The following DGKB variants were observed in gnomAD, a reference collection of about 807,000 sequenced individuals.
The protein encoded by DGKB is 90 kDa diacylglycerol kinase.
A neutral mutation model predicts 114.3 loss-of-function variants in DGKB; 67 were observed. That is an observed-to-expected ratio of 0.59 (90% CI 0.48 to 0.72). The LOEUF (loss-of-function observed/expected upper bound fraction) is 0.72. DGKB is among the 30% of genes least tolerant of loss of function. The probability of loss-of-function intolerance (pLI) is 0.00; values close to 1 mark genes in which losing one functional copy is unlikely to be tolerated. For missense variants in DGKB, 907 were observed against 975.2 expected, an observed-to-expected ratio of 0.93 and a Z score of 0.93; for synonymous variants, 398 against 323.1, an observed-to-expected ratio of 1.23 and a Z score of -2.49.
intron 2 of DGKB, among the ~76,000 whole-genome samples, chr7:14,795,247 T>A (rs536073025): frequency 1.3e-5 from 2 of 152,320 alleles, no homozygotes; most frequent in African/African-American, 4.8e-5. Flanking sequence ...AGGCTGAATT[T>A]GGCATGGACT....
At chr7:14,394,949 T>C (rs1821995880) in intron 21 of DGKB, among the ~76,000 whole-genome samples, 1 of 152,074 alleles carries the variant, frequency 6.6e-6, no homozygotes, top group African/African-American at 2.4e-5. Flanking sequence ...TTTCTGTATG[T>C]AGAAAATACC....
intron 23 of DGKB, among the ~76,000 whole-genome samples, chr7:14,335,131 T>C (rs960102004): frequency 6.6e-6 from 1 of 152,168 alleles, no homozygotes; most frequent in African/African-American, 2.4e-5. Flanking sequence ...ATATTCTGAT[T>C]TTATTATGTG....
At chr7:14,497,034 C>G (rs1785400396) in intron 20 of DGKB, among the ~76,000 whole-genome samples, 1 of 151,644 alleles carries the variant, frequency 6.6e-6, no homozygotes, top group South Asian at 2.1e-4. Flanking sequence ...ATGTCTTTTG[C>G]AGCAACTTGG....
At chr7:14,182,714 C>T (rs752480890) in intron 23 of DGKB, among the ~76,000 whole-genome samples, 7 of 152,116 alleles carry the variant, frequency 4.6e-5, no homozygotes, top group East Asian at 1.9e-4. Flanking sequence ...AGAGGACACA[C>T]GAGCAGCTCA....
intron 6 of DGKB, among the ~76,000 whole-genome samples, chr7:14,714,630 AC>A (rs975837500): frequency 6.6e-6 from 1 of 152,118 alleles, no homozygotes; most frequent in Non-Finnish European, 1.5e-5. Flanking sequence ...GGAAAAAAAA[AC>A]ATTATCTGGA....
At chr7:14,661,674 A>G (rs1414947926) in intron 13 of DGKB, among the ~76,000 whole-genome samples, 2 of 151,884 alleles carry the variant, frequency 1.3e-5, no homozygotes, top group East Asian at 3.9e-4. Flanking sequence ...AGAACTAGAA[A>G]TACCATTTGA....
At chr7:14,152,503 T>C (rs1782369609) in intron 25 of DGKB, among the ~76,000 whole-genome samples, 1 of 151,962 alleles carries the variant, frequency 6.6e-6, no homozygotes, top group Non-Finnish European at 1.5e-5. Flanking sequence ...CAGAATGGTG[T>C]CCTCCTATAA....
chr7:14,307,417 G>A (rs977554200), intron 23 of DGKB, among the ~76,000 whole-genome samples: 2 of 152,156 alleles, frequency 1.3e-5, no homozygotes, highest in Non-Finnish European at 2.9e-5. Context: ...TCTAATGTAT[G>A]ACTAAGCATA....
chr7:14,337,038 G>C (rs1269992768), intron 23 of DGKB, among the ~76,000 whole-genome samples: 1 of 152,128 alleles, frequency 6.6e-6, no homozygotes, highest in Non-Finnish European at 1.5e-5. Context: ...TACATACGTA[G>C]TACCTAATAA....
intron 17 of DGKB, among the ~76,000 whole-genome samples, chr7:14,606,812 T>C (rs1439090682): frequency 6.6e-6 from 1 of 152,096 alleles, no homozygotes; most frequent in East Asian, 1.9e-4. Flanking sequence ...TTTTACTAGA[T>C]CTTACCTGTT....
At chr7:14,675,126 A>T (rs1819624658) in intron 12 of DGKB, among the ~76,000 whole-genome samples, 1 of 152,130 alleles carries the variant, frequency 6.6e-6, no homozygotes, top group Non-Finnish European at 1.5e-5. Context: ...TACAAAAAAC[A>T]GATCTGAGAT....
At position 14,713,049 on chromosome 7, in the gene DGKB, T is replaced by C. The variant is rs184838417; in HGVS notation, c.466+5493A>G. On this transcript the variant is annotated intron_variant, in intron 6 of 25. Coordinates refer to ENST00000402815, the MANE Select transcript of DGKB (RefSeq NM_001350709.2). ...CCTGCTTCAATGTTATAAACTAGTT[T>C]AACCCACATTTTTTCCTATTTTTAT... 5.9e-4 allele frequency among the ~76,000 whole-genome samples: 90 copies of C among 152,262 alleles called. 2 individuals carry two copies. In the East Asian group the frequency reaches 0.011, roughly 18 times the overall value.
At chr7:14,693,254 C>A (rs981108210) in intron 9 of DGKB, among the ~76,000 whole-genome samples, 1 of 152,018 alleles carries the variant, frequency 6.6e-6, no homozygotes, top group African/African-American at 2.4e-5. Flanking sequence ...TTATTCTATA[C>A]ATAGTATATC....
chr7:14,919,095 A>ACACACACACACAAAC (rs1554345122), intron 1 of DGKB, among the ~76,000 whole-genome samples: 2 of 114,920 alleles, frequency 1.7e-5, no homozygotes, highest in African/African-American at 7.2e-5. Context: ...CACACACACA[A>ACACACACACACAAAC]ACACACACAC....
At chr7:14,669,548 C>T (rs1003243842) in intron 13 of DGKB, among the ~76,000 whole-genome samples, 30 of 152,094 alleles carry the variant, frequency 2.0e-4, no homozygotes, top group African/African-American at 6.3e-4. Flanking sequence ...CACTGCAGCC[C>T]CAACATTTCT....
At position 14,804,956 on chromosome 7, in the gene DGKB, T is replaced by C. The variant is rs552934519; in HGVS notation, c.70+36238A>G. The stretch of plus-strand genomic sequence containing the variant: ...TACCTCTCATAATGTTTAGTCATTA[T>C]ATAATTATTAATTCTGGTCTTAGAG... On this transcript the variant is annotated intron_variant, in intron 2 of 25. Transcript: ENST00000402815. 9.3e-4 allele frequency among the ~76,000 whole-genome samples: 141 copies of C among 152,250 alleles called. 2 individuals are homozygous for C. The highest frequency in any genetic ancestry group is 3.2e-3 in the African/African-American group (132 of 41,566).
chr7:14,860,672 T>C (rs1850845015), intron 1 of DGKB, among the ~76,000 whole-genome samples: 1 of 151,914 alleles, frequency 6.6e-6, no homozygotes, highest in Non-Finnish European at 1.5e-5. Flanking sequence ...TTACTGTTAG[T>C]TAGTTATTGA....
At chr7:14,192,497 G>A (rs1435727455) in intron 23 of DGKB, among the ~76,000 whole-genome samples, 3 of 152,136 alleles carry the variant, frequency 2.0e-5, no homozygotes, top group African/African-American at 7.2e-5. Context: ...TTATATTCAT[G>A]AATTGGAAGA....
intron 20 of DGKB, among the ~76,000 whole-genome samples, chr7:14,572,494 A>G (rs112112342): frequency 3.8e-4 from 58 of 152,112 alleles, no homozygotes; most frequent in African/African-American, 1.3e-3. Context: ...AAGTATAGTA[A>G]CAATGACTCT....
Sources: allele counts gnomAD v4.1 joint callset (sites outside exome capture counted in the v4.1 genomes callset), GRCh38; gene constraint gnomAD v4.1.1; transcripts MANE v1.5; gene names NCBI Gene and HGNC (gene_info 2026-07-23, HGNC 2026-07-21).